Variants in OR2L13 observed in about 807,000 individuals in gnomAD.
OR2L13 encodes the protein olfactory receptor family 2 subfamily L member 13.
A neutral mutation model predicts 15.3 loss-of-function variants in OR2L13; 14 were observed. The observed-to-expected ratio is 0.91, with a 90% CI of 0.60 to 1.43. OR2L13 has a LOEUF of 1.43. Ranked by LOEUF, OR2L13 falls within the 40% of genes most tolerant of loss-of-function variation. The pLI, the probability that OR2L13 is intolerant of heterozygous loss-of-function variation, is 0.00. For missense variants in OR2L13, 367 were observed against 387.9 expected (o/e 0.95, Z 0.45); for synonymous variants, 152 against 142.9 (o/e 1.06, Z -0.45).
At chr1:247,957,740 G>A in the OR2L13 span, among the ~76,000 whole-genome samples, 120,859 of 151,528 alleles carry the variant, frequency 0.8, 52,365 homozygotes, top group South Asian at 0.95. Context: ...AGAGGTGTTT[G>A]TAGTATTCTC....
At chr1:247,972,200 A>G in the OR2L13 span, among the ~76,000 whole-genome samples, 2 of 152,162 alleles carry the variant, frequency 1.3e-5, no homozygotes, top group African/African-American at 4.8e-5. Flanking sequence ...TAACATCACA[A>G]TTAAAAGAAA....
upstream of OR2L13, among the ~76,000 whole-genome samples, chr1:248,096,394 A>AG (rs1205005300): frequency 1.3e-5 from 2 of 152,234 alleles, no homozygotes; most frequent in East Asian, 3.9e-4. Flanking sequence ...AAAAAAAAAA[A>AG]AATGAAAACC....
the OR2L13 span, chr1:248,023,296 T>A: frequency 6.4e-6 from 1 of 155,356 alleles, no homozygotes; most frequent in East Asian, 1.9e-4. Flanking sequence ...TTATTTACTC[T>A]CAACTGGTGT....
At chr1:247,965,717 T>G in the OR2L13 span, 1 of 1,555,862 alleles carries the variant, frequency 6.4e-7, no homozygotes, top group Non-Finnish European at 8.7e-7. Context: ...GAAGCCCTTC[T>G]CCTTGGTTTT....
chr1:248,016,495 A>G, the OR2L13 span, among the ~76,000 whole-genome samples: 1 of 152,130 alleles, frequency 6.6e-6, no homozygotes, highest in Non-Finnish European at 1.5e-5. Context: ...TAAATGATTG[A>G]ATTTTAGCCA....
the OR2L13 span, among the ~76,000 whole-genome samples, chr1:248,078,960 A>AAG: frequency 6.6e-6 from 1 of 152,148 alleles, no homozygotes; most frequent in Non-Finnish European, 1.5e-5. Context: ...ATTGGTCTCC[A>AAG]GACGTTAGGA....
At chr1:248,038,567 TTTC>T in the OR2L13 span, 5 of 1,614,170 alleles carry the variant, frequency 3.1e-6, no homozygotes, top group South Asian at 2.2e-5. Context: ...GGATTCAGAG[TTTC>T]TTCTTCTTGA....
the OR2L13 span, chr1:248,083,670 A>G: frequency 3.8e-6 from 6 of 1,569,884 alleles, no homozygotes; most frequent in Non-Finnish European, 5.3e-6. Context: ...CTGGTGTTTC[A>G]GGTTTACACA....
At chr1:248,029,360 T>C in the OR2L13 span, 11 of 152,150 alleles carry the variant, frequency 7.2e-5, no homozygotes, top group Non-Finnish European at 1.6e-4. Flanking sequence ...GAAATATTAC[T>C]TTTCTCAGGT....
At chr1:247,956,762 G>A in the OR2L13 span, among the ~76,000 whole-genome samples, 2 of 152,008 alleles carry the variant, frequency 1.3e-5, no homozygotes, top group Non-Finnish European at 2.9e-5. Flanking sequence ...TATTCGTGTA[G>A]AAGAATGCTT....
At chr1:247,954,605 T>C in the OR2L13 span, among the ~76,000 whole-genome samples, 1 of 130,374 alleles carries the variant, frequency 7.7e-6, no homozygotes, top group Admixed American at 9.4e-5. Flanking sequence ...GAAAGTGAAA[T>C]ATAAAATGTC....
chr1:248,095,678 C>T (rs1031298002), upstream of OR2L13, among the ~76,000 whole-genome samples: 1 of 129,492 alleles, frequency 7.7e-6, no homozygotes, highest in Admixed American at 9.1e-5. Context: ...ACGATCTCAG[C>T]TCACTGCAAC....
At chr1:248,065,689 G>T in the OR2L13 span, among the ~76,000 whole-genome samples, 1 of 149,666 alleles carries the variant, frequency 6.7e-6, no homozygotes, top group South Asian at 2.1e-4. Context: ...GCGGTGTTTG[G>T]TTTTTTGTCC....
the OR2L13 span, among the ~76,000 whole-genome samples, chr1:247,964,760 TAA>T: frequency 4.0e-5 from 6 of 151,294 alleles, no homozygotes; most frequent in South Asian, 2.1e-4. Context: ...ATCTTTTTTA[TAA>T]GTTTACACAC....
the OR2L13 span, among the ~76,000 whole-genome samples, chr1:248,046,065 A>G: frequency 6.6e-6 from 1 of 152,176 alleles, no homozygotes; most frequent in East Asian, 1.9e-4. Flanking sequence ...CATTTGCTAT[A>G]AACAGTAAGA....
chr1:247,970,049 A>C, the OR2L13 span, among the ~76,000 whole-genome samples: 1 of 152,184 alleles, frequency 6.6e-6, no homozygotes, highest in East Asian at 1.9e-4. Flanking sequence ...GTACTACAGC[A>C]TTGTAATAAC....
the OR2L13 span, among the ~76,000 whole-genome samples, chr1:248,033,369 G>T: frequency 6.6e-6 from 1 of 152,102 alleles, no homozygotes; most frequent in Middle Eastern, 3.4e-3. Context: ...TGGTTTGCTT[G>T]CCAAAAAAAT....
At chr1:248,015,032 A>G in the OR2L13 span, among the ~76,000 whole-genome samples, 2 of 152,154 alleles carry the variant, frequency 1.3e-5, no homozygotes, top group African/African-American at 4.8e-5. Context: ...TTACCTATGT[A>G]TCTATCTATG....
chr1:247,975,321 G>T, the OR2L13 span: 2 of 503,254 alleles, frequency 4.0e-6, no homozygotes, highest in South Asian at 1.8e-5. Context: ...CAGTGTTTTT[G>T]AGCACAACCC....
Sources: gnomAD v4.1 joint callset for allele counts (sites outside exome capture counted in the v4.1 genomes callset) on GRCh38, gnomAD v4.1.1 for gene constraint, MANE v1.5 for transcripts, NCBI Gene and HGNC (gene_info 2026-07-23, HGNC 2026-07-21) for gene names.